GALNT17: variants seen among roughly 807,000 people sequenced by gnomAD.
GALNT17 encodes the protein polypeptide N-acetylgalactosaminyltransferase 17, also known as UDP-GalNAc:polypeptide N-acetylgalactosaminyltransferase-like 3.
GALNT17 carries 29 observed loss-of-function variants against 63.7 expected under a neutral mutation model. The observed-to-expected ratio is 0.46, with a 90% confidence interval of 0.34 to 0.62. GALNT17 has a LOEUF of 0.62. Ranked by LOEUF, GALNT17 falls within the 20% of genes least tolerant of loss-of-function variation. The pLI is 0.01. For synonymous variants in GALNT17, 305 were observed against 318.3 expected (o/e 0.96, Z 0.45); for missense variants, 603 against 799.6 (o/e 0.75, Z 2.97).
intron 1 of GALNT17, among the ~76,000 whole-genome samples, chr7:71,320,058 G>T (rs1365510717): frequency 6.6e-6 from 1 of 152,164 alleles, no homozygotes; most frequent in Non-Finnish European, 1.5e-5. Flanking sequence ...AAGGCTGTGG[G>T]TGGGGAAGTA....
rs1788993101 is a variant in GALNT17 at position 71,193,605 on chromosome 7, G to A, written c.238+60565G>A. Among the ~76,000 whole-genome samples the A allele has an allele frequency of 2.0e-5, 3 of 151,774 alleles. No individual in the cohort carries two copies. In the South Asian group the frequency reaches 6.3e-4, roughly 32 times the overall value. ...CTTCAGAGCCTGGAGACAAAGCTGG[G>A]CCCCATTTATCACAACACCCGGCCA... is the stretch of plus-strand genomic sequence containing the variant. On this transcript the variant is annotated intron_variant, in intron 1 of 10. Coordinates refer to ENST00000333538, the MANE Select transcript of GALNT17 (RefSeq NM_022479.3).
intron 5 of GALNT17, among the ~76,000 whole-genome samples, chr7:71,450,628 A>G (rs754098894): frequency 1.3e-5 from 2 of 152,180 alleles, no homozygotes; most frequent in Non-Finnish European, 2.9e-5. Flanking sequence ...CAGTTTTAGT[A>G]TATGTGCTGC....
At chr7:71,136,747 A>T (rs544429407) in intron 1 of GALNT17, among the ~76,000 whole-genome samples, 47 of 150,760 alleles carry the variant, frequency 3.1e-4, no homozygotes, top group African/African-American at 1.1e-3. Flanking sequence ...GGCCTCCCAA[A>T]GTGCTGGGAT....
At chr7:71,335,463 A>G (rs1177707969) in intron 1 of GALNT17, 87 bp from the exon 2 acceptor site, 4 of 1,295,010 alleles carry the variant, frequency 3.1e-6, no homozygotes, top group Non-Finnish European at 4.1e-6. Flanking sequence ...TAATGTTAAA[A>G]TGTCTGTTGA....
chr7:71,357,316 G>A (rs989444404), intron 2 of GALNT17, among the ~76,000 whole-genome samples: 1 of 151,998 alleles, frequency 6.6e-6, no homozygotes, highest in East Asian at 1.9e-4. Context: ...TCATAGGAGC[G>A]CGAACCCTAT....
chr7:71,608,613 C>A (rs1790080454), intron 6 of GALNT17, among the ~76,000 whole-genome samples: 1 of 152,090 alleles, frequency 6.6e-6, no homozygotes, highest in Non-Finnish European at 1.5e-5. Flanking sequence ...AGGTTCATAG[C>A]AAACACCATC....
At chr7:71,690,657 G>A (rs980667060) in intron 9 of GALNT17, among the ~76,000 whole-genome samples, 2 of 152,204 alleles carry the variant, frequency 1.3e-5, no homozygotes, top group African/African-American at 4.8e-5. Context: ...CAGTAAGCAT[G>A]TTTGTGATTC....
At chr7:71,242,626 C>T (rs1170231324) in intron 1 of GALNT17, among the ~76,000 whole-genome samples, 1 of 152,074 alleles carries the variant, frequency 6.6e-6, no homozygotes, top group African/African-American at 2.4e-5. Context: ...TGATTCACCT[C>T]CTATCTGCCA....
chr7:71,368,190 G>A (rs1424287068), intron 2 of GALNT17, among the ~76,000 whole-genome samples: 1 of 152,226 alleles, frequency 6.6e-6, no homozygotes, highest in Non-Finnish European at 1.5e-5. Context: ...TAACACACAT[G>A]CTCTGTGTAA....
intron 5 of GALNT17, among the ~76,000 whole-genome samples, chr7:71,550,136 T>G (rs957837274): frequency 9.2e-5 from 14 of 152,054 alleles, no homozygotes; most frequent in Non-Finnish European, 1.9e-4. Context: ...CTTTTCTGAT[T>G]ATAAAAGTCA....
intron 5 of GALNT17, among the ~76,000 whole-genome samples, chr7:71,479,208 A>C (rs1022073357): frequency 9.9e-5 from 15 of 152,154 alleles, no homozygotes; most frequent in Admixed American, 2.0e-4. Flanking sequence ...TAGCTTTATA[A>C]GAAGGGCTTT....
chr7:71,570,063 GT>G (rs564920059), intron 5 of GALNT17, among the ~76,000 whole-genome samples: 211 of 140,170 alleles, frequency 1.5e-3, no homozygotes, highest in South Asian at 7.7e-3. Context: ...TTTTTTGGTT[GT>G]TTTTTTTTTT....
chr7:71,598,164 G>A lies in GALNT17; in HGVS notation c.1080+26762G>A, dbSNP rs541562571. Among the ~76,000 whole-genome samples, 11 of 152,228 alleles carry A rather than the reference G, an allele frequency of 7.2e-5. No homozygotes were observed. In the South Asian group the frequency reaches 2.1e-3, roughly 29 times the overall value. ...TCACCATTATGCCCAGGCTGGTCTC[G>A]AACTCCTGACCTTGTGCTCTGCCTG... On this transcript the variant is annotated intron_variant, in intron 6 of 10. Transcript: ENST00000333538.
intron 5 of GALNT17, among the ~76,000 whole-genome samples, chr7:71,530,388 A>G (rs1028085076): frequency 6.6e-6 from 1 of 152,174 alleles, no homozygotes; most frequent in African/African-American, 2.4e-5. Flanking sequence ...CTTTTAAAGG[A>G]CGAATGTTAG....
At chr7:71,184,328 G>C (rs776346861) in intron 1 of GALNT17, among the ~76,000 whole-genome samples, 1 of 152,180 alleles carries the variant, frequency 6.6e-6, no homozygotes. Context: ...CATGGTGATG[G>C]AGTAACCTAA....
At chr7:71,237,528 A>G (rs182009323) in intron 1 of GALNT17, among the ~76,000 whole-genome samples, 4,899 of 151,158 alleles carry the variant, frequency 0.032, 85 homozygotes, top group South Asian at 0.06. Context: ...AAAAAAAAAA[A>G]AAAAGAAAAA....
chr7:71,524,858 T>G (rs1211592122), intron 5 of GALNT17, among the ~76,000 whole-genome samples: 1 of 152,186 alleles, frequency 6.6e-6, no homozygotes, highest in African/African-American at 2.4e-5. Context: ...TTAAACTCAG[T>G]TTTGGAGTCT....
intron 5 of GALNT17, among the ~76,000 whole-genome samples, chr7:71,506,380 C>T (rs1266785556): frequency 6.6e-6 from 1 of 152,070 alleles, no homozygotes; most frequent in Admixed American, 6.6e-5. Flanking sequence ...GATTCTCCTG[C>T]CTCAGCCTCC....
chr7:71,195,370 TG>T (rs1420425043), intron 1 of GALNT17, among the ~76,000 whole-genome samples: 1 of 151,998 alleles, frequency 6.6e-6, no homozygotes, highest in Non-Finnish European at 1.5e-5. Flanking sequence ...CGTGCCACCA[TG>T]CTTGGCTAAT....
Sources: gnomAD v4.1 joint callset for allele counts (sites outside exome capture counted in the v4.1 genomes callset) on GRCh38, gnomAD v4.1.1 for gene constraint, MANE v1.5 for transcripts, NCBI Gene and HGNC (gene_info 2026-07-23, HGNC 2026-07-21) for gene names.